TJP2: variants seen among roughly 807,000 people sequenced by gnomAD.
The protein encoded by TJP2 is tight junction protein 2, also known as Friedreich ataxia region gene X104 (tight junction protein ZO-2).
A neutral mutation model predicts 133.1 loss-of-function variants in TJP2; 91 were observed. The observed-to-expected ratio is 0.68, with a 90% CI of 0.58 to 0.81. The LOEUF (loss-of-function observed/expected upper bound fraction) is 0.81. Among genes scored for constraint, TJP2 ranks in the 40% least tolerant of loss-of-function variants. The pLI is 0.00. For synonymous variants in TJP2, 592 were observed against 583.4 expected, an observed-to-expected ratio of 1.01 and a Z score of -0.21; for missense variants, 1,541 against 1,565.6, an observed-to-expected ratio of 0.98 and a Z score of 0.26.
chr9:69,250,846 G>C (rs1212464180), intron 20 of TJP2, among the ~76,000 whole-genome samples, 189 bp from the exon 21 acceptor site: 1 of 152,160 alleles, frequency 6.6e-6, no homozygotes, highest in Non-Finnish European at 1.5e-5. Flanking sequence ...GACTAGTATA[G>C]GAAGGGAGGT....
intron 1 of TJP2, chr9:69,145,899 G>C (rs530715946): frequency 4.8e-4 from 409 of 844,044 alleles, no homozygotes; most frequent in Non-Finnish European, 5.6e-4. Flanking sequence ...TAGAAAAAAG[G>C]GTCCTCTGTC....
intron 15 of TJP2, 87 bp downstream of exon 15, chr9:69,238,060 G>A (rs901519118): frequency 4.4e-6 from 4 of 902,032 alleles, no homozygotes; most frequent in Middle Eastern, 3.2e-4. Flanking sequence ...GAACACCCAC[G>A]TACCCTTCAC....
chr9:69,191,360 A>G (rs796788700), intron 1 of TJP2, among the ~76,000 whole-genome samples: 11 of 152,340 alleles, frequency 7.2e-5, no homozygotes, highest in African/African-American at 1.9e-4. Flanking sequence ...CAGGATTTCA[A>G]CTTTGCAACA....
At chr9:69,253,518 T>C (rs1439656091) in intron 22 of TJP2, 1 of 158,530 alleles carries the variant, frequency 6.3e-6, no homozygotes, top group Non-Finnish European at 1.4e-5. Context: ...ACTGGTGCAA[T>C]CTCAGCTCAC....
In TJP2 at chr9:69,254,921, A is replaced by G. The variant is rs1487299310; in HGVS notation, c.*547A>G. The G allele has an allele frequency of 5.9e-6, 2 of 338,786 alleles. No homozygotes were observed. Among genetic ancestry groups the G allele is most frequent in the Admixed American group, 4.3e-5 (1 of 23,256 alleles). 21.0% of individuals were successfully genotyped at this position (338,786 alleles called of 1,614,324 possible). ...AACATTTTGACTAAGTTTTTATACC[A>G]GCTTAATAGCTGTAGTTTTCCCTGC... On this transcript the variant is annotated 3_prime_UTR_variant, in exon 23 of 23. Coordinates refer to ENST00000377245, the MANE Select transcript of TJP2 (RefSeq NM_004817.4).
At chr9:69,162,434 A>G (rs538312988) in intron 2 of TJP2, among the ~76,000 whole-genome samples, 2 of 152,254 alleles carry the variant, frequency 1.3e-5, no homozygotes, top group South Asian at 4.1e-4. Context: ...CATCTTATGA[A>G]TTCTGCGTGA....
chr9:69,235,488 A>C (rs1830118126), intron 12 of TJP2, among the ~76,000 whole-genome samples: 1 of 151,398 alleles, frequency 6.6e-6, no homozygotes, highest in Non-Finnish European at 1.5e-5. Context: ...ACGCCCGGCT[A>C]ATTTTTTGTA....
intron 2 of TJP2, among the ~76,000 whole-genome samples, chr9:69,168,768 A>G (rs1452656304): frequency 6.6e-6 from 1 of 151,142 alleles, no homozygotes; most frequent in African/African-American, 2.4e-5. Context: ...GCACATTGCA[A>G]TCCAGCCTGA....
At chr9:69,205,149 A>T (rs922560496) in intron 1 of TJP2, 1 of 1,537,190 alleles carries the variant, frequency 6.5e-7, no homozygotes. Flanking sequence ...TGGCCCATGC[A>T]TCTCCAGAGA....
chr9:69,207,880 T>C (rs1827559790), intron 1 of TJP2, among the ~76,000 whole-genome samples: 2 of 152,166 alleles, frequency 1.3e-5, no homozygotes, highest in African/African-American at 4.8e-5. Context: ...GATGATTATG[T>C]GGGGTGCTCT....
chr9:69,178,531 G>T (rs1310308120), intron 1 of TJP2, among the ~76,000 whole-genome samples: 1 of 152,182 alleles, frequency 6.6e-6, no homozygotes, highest in African/African-American at 2.4e-5. Context: ...CTTATAGAGA[G>T]CCTGGTATAC....
intron 7 of TJP2, 66 bp from the exon 8 acceptor site, chr9:69,227,699 A>G: frequency 8.6e-7 from 1 of 1,161,208 alleles, no homozygotes; most frequent in Non-Finnish European, 1.3e-6. Context: ...GAATAGTGCA[A>G]TTTCTCTGGG....
intron 1 of TJP2, among the ~76,000 whole-genome samples, chr9:69,143,158 A>G (rs1045672529): frequency 1.3e-5 from 2 of 152,268 alleles, no homozygotes; most frequent in African/African-American, 4.8e-5. Flanking sequence ...AATGAAAGAC[A>G]CAATTTTAAT....
chr9:69,205,343 T>C, intron 1 of TJP2: 1 of 1,509,274 alleles, frequency 6.6e-7, no homozygotes, highest in Non-Finnish European at 8.8e-7. Flanking sequence ...GATTGATTTG[T>C]GCTTCTGGCA....
At chr9:69,156,147 T>C (rs1823746072) in intron 2 of TJP2, among the ~76,000 whole-genome samples, 1 of 152,114 alleles carries the variant, frequency 6.6e-6, no homozygotes, top group Non-Finnish European at 1.5e-5. Context: ...GGAAGATCGC[T>C]TGAGGCCAGG....
chr9:69,124,013 A>G lies in TJP2; in HGVS notation c.-131+2288A>G, dbSNP rs1484686949. Among the ~76,000 whole-genome samples the G allele has an allele frequency of 7.0e-5, 5 of 71,638 alleles. 2 individuals carry two copies. The highest frequency in any genetic ancestry group is 2.2e-4 in the African/African-American group (5 of 23,212). The allele number at this position is 71,638 out of a possible 152,430, so 47.0% of individuals were successfully genotyped here. On this transcript the variant is annotated intron_variant, in intron 1 of 5. Transcript: ENST00000423935. Reference sequence around the variant, plus strand: ...CTCCCGAGTAGCTGGGACTATAGGCACCCGCCACCACGCCCGGCTAATTTT... The same window carrying G: ...CTCCCGAGTAGCTGGGACTATAGGCGCCCGCCACCACGCCCGGCTAATTTT...
At chr9:69,245,747 A>G (rs2133449941) in intron 17 of TJP2, among the ~76,000 whole-genome samples, 1 of 152,376 alleles carries the variant, frequency 6.6e-6, no homozygotes, top group South Asian at 2.1e-4. Flanking sequence ...TAGTCGTGAA[A>G]TGAGCTAATC....
intron 1 of TJP2, among the ~76,000 whole-genome samples, chr9:69,195,704 C>A (rs1564424320): frequency 6.6e-6 from 1 of 152,176 alleles, no homozygotes; most frequent in African/African-American, 2.4e-5. Flanking sequence ...ATGGTGTTCA[C>A]AAAGGCGTAG....
intron 1 of TJP2, among the ~76,000 whole-genome samples, chr9:69,211,672 G>T (rs1240868966): frequency 6.6e-6 from 1 of 152,178 alleles, no homozygotes; most frequent in East Asian, 1.9e-4. Context: ...GCCCAAACCT[G>T]TGTGAATACA....
Sources: allele counts gnomAD v4.1 joint callset (sites outside exome capture counted in the v4.1 genomes callset), GRCh38; gene constraint gnomAD v4.1.1; transcripts MANE v1.5; gene names NCBI Gene and HGNC (gene_info 2026-07-23, HGNC 2026-07-21).